Variants in CCBE1 observed in about 807,000 individuals in gnomAD.
The protein encoded by CCBE1 is collagen and calcium-binding EGF domain-containing protein 1.
Under a neutral mutation model 50.0 loss-of-function variants are expected in CCBE1, and 37 were observed. The ratio of observed to expected loss-of-function variants is 0.74; its 90% CI spans 0.57 to 0.97. The LOEUF is 0.97. Ranked by LOEUF, CCBE1 falls within the 50% of genes least tolerant of loss-of-function variation. The pLI is 0.00. For synonymous variants in CCBE1, 234 were observed against 203.7 expected (o/e 1.15, Z -1.27); for missense variants, 538 against 523.8 (o/e 1.03, Z -0.26).
At chr18:59,678,386 T>C (rs936740969) in intron 2 of CCBE1, among the ~76,000 whole-genome samples, 3 of 152,262 alleles carry the variant, frequency 2.0e-5, no homozygotes, top group Admixed American at 2.0e-4. Flanking sequence ...ATTTAAGACA[T>C]TAAAAATGCT....
intron 2 of CCBE1, among the ~76,000 whole-genome samples, chr18:59,666,627 T>TG (rs2054360991): frequency 7.2e-6 from 1 of 139,536 alleles, no homozygotes; most frequent in African/African-American, 2.6e-5. Flanking sequence ...GGTGGGGGGG[T>TG]GGGGGCAGGG....
intron 2 of CCBE1, among the ~76,000 whole-genome samples, chr18:59,570,828 G>C (rs1352828844): frequency 1.3e-5 from 2 of 152,198 alleles, no homozygotes; most frequent in Admixed American, 1.3e-4. Context: ...CTGGCTCCAG[G>C]AGAGCCGGAC....
intron 2 of CCBE1, among the ~76,000 whole-genome samples, chr18:59,644,341 T>C (rs999710967): frequency 2.0e-5 from 3 of 152,214 alleles, no homozygotes; most frequent in Admixed American, 2.0e-4. Context: ...CCCTGGTCTA[T>C]GGAACACAAT....
intron 2 of CCBE1, among the ~76,000 whole-genome samples, chr18:59,554,033 C>T (rs908483941): frequency 5.3e-5 from 8 of 152,148 alleles, no homozygotes; most frequent in African/African-American, 1.9e-4. Flanking sequence ...GATAAGGTCT[C>T]ACTCTGTTGT....
chr18:59,684,276 C>A (rs2054629456), intron 2 of CCBE1, among the ~76,000 whole-genome samples: 1 of 152,120 alleles, frequency 6.6e-6, no homozygotes, highest in African/African-American at 2.4e-5. Flanking sequence ...TGGCGAAACC[C>A]TGTCTCTACA....
chr18:59,568,341 G>A (rs1260137903), intron 2 of CCBE1: 1 of 152,198 alleles, frequency 6.6e-6, no homozygotes, highest in African/African-American at 2.4e-5. Flanking sequence ...CCAGAGAGGT[G>A]AGTGGGAAGT....
chr18:59,645,120 G>A (rs1166197081), intron 2 of CCBE1, among the ~76,000 whole-genome samples: 1 of 152,140 alleles, frequency 6.6e-6, no homozygotes, highest in African/African-American at 2.4e-5. Context: ...CAGGTGTGGT[G>A]GCACACGCCT....
At chr18:59,597,240 A>G (rs1257165524) in intron 2 of CCBE1, among the ~76,000 whole-genome samples, 1 of 152,230 alleles carries the variant, frequency 6.6e-6, no homozygotes, top group Non-Finnish European at 1.5e-5. Context: ...TACCTGTCTC[A>G]TGAGGTTGTG....
chr18:59,543,776 A>T (rs967861526), intron 2 of CCBE1, among the ~76,000 whole-genome samples: 3 of 140,896 alleles, frequency 2.1e-5, no homozygotes, highest in Non-Finnish European at 4.6e-5. Context: ...TGGAGCTTGC[A>T]GTGAGCCAAG....
intron 2 of CCBE1, among the ~76,000 whole-genome samples, chr18:59,484,340 C>G (rs1222661604): frequency 6.6e-6 from 1 of 152,230 alleles, no homozygotes; most frequent in Non-Finnish European, 1.5e-5. Context: ...AATCGAACAT[C>G]ACATTTAAAC....
intron 2 of CCBE1, among the ~76,000 whole-genome samples, chr18:59,491,741 T>C (rs1367025148): frequency 6.7e-6 from 1 of 149,504 alleles, no homozygotes; most frequent in Non-Finnish European, 1.5e-5. Flanking sequence ...TTGAGCCCAG[T>C]AGGTGGAGAA....
chr18:59,537,417 G>A (rs1440421317), intron 2 of CCBE1, among the ~76,000 whole-genome samples: 1 of 152,160 alleles, frequency 6.6e-6, no homozygotes, highest in East Asian at 1.9e-4. Context: ...CACGGGGGCA[G>A]TTTCCCCCAT....
chr18:59,593,365 G>A (rs940072177), intron 2 of CCBE1, among the ~76,000 whole-genome samples: 2 of 152,182 alleles, frequency 1.3e-5, no homozygotes, highest in African/African-American at 4.8e-5. Context: ...TGTGATCAGA[G>A]AGTGCATTCT....
chr18:59,476,943 C>T (rs1373730415), intron 3 of CCBE1, among the ~76,000 whole-genome samples: 6 of 152,172 alleles, frequency 3.9e-5, no homozygotes, highest in Admixed American at 3.9e-4. Flanking sequence ...ACTGTTATCC[C>T]TACTGATCCA....
chr18:59,463,037 CT>C (rs1423877651), intron 5 of CCBE1, among the ~76,000 whole-genome samples: 2 of 152,200 alleles, frequency 1.3e-5, no homozygotes, highest in Non-Finnish European at 2.9e-5. Context: ...TTCTTGATTT[CT>C]TGTACTTATC....
chr18:59,693,712 T>C (rs975934365), intron 2 of CCBE1, among the ~76,000 whole-genome samples: 1 of 152,070 alleles, frequency 6.6e-6, no homozygotes, highest in African/African-American at 2.4e-5. Context: ...TACTCAAACA[T>C]TTTCTAGGAC....
At chr18:59,659,531 C>T (rs570351524) in intron 2 of CCBE1, among the ~76,000 whole-genome samples, 4 of 152,164 alleles carry the variant, frequency 2.6e-5, no homozygotes, top group South Asian at 2.1e-4. Context: ...TTTAATTCAC[C>T]GCATGCCAAA....
rs1484150651 is a variant in CCBE1, at chr18:59,431,452, C to G, written c.*4456G>C. On this transcript the variant is annotated 3_prime_UTR_variant, in exon 11 of 11. Coordinates refer to ENST00000439986, the MANE Select transcript of CCBE1 (RefSeq NM_133459.4). ...GAAGGTTATTTGACAGATGTTAAGT[C>G]TGCAGAATGAGGCTGCTGTGGTTGT... 1 of 149,584 alleles carries G rather than the reference C, an allele frequency of 6.7e-6. No individual in the cohort carries two copies. The highest frequency in any genetic ancestry group is 1.5e-5 in the Non-Finnish European group (1 of 67,584). 9.3% of individuals were successfully genotyped at this position (149,584 alleles called of 1,614,324 possible). A position where few individuals can be genotyped will look rare whatever the true frequency, so the allele number is the denominator to read the frequency against.
chr18:59,514,493 C>G (rs1464437967), intron 2 of CCBE1, among the ~76,000 whole-genome samples: 4 of 152,056 alleles, frequency 2.6e-5, no homozygotes, highest in Non-Finnish European at 5.9e-5. Flanking sequence ...GGAAAGCCAC[C>G]CTGACATTTT....
Sources: allele counts gnomAD v4.1 joint callset (sites outside exome capture counted in the v4.1 genomes callset), GRCh38; gene constraint gnomAD v4.1.1; transcripts MANE v1.5; gene names NCBI Gene and HGNC (gene_info 2026-07-23, HGNC 2026-07-21).